The following ANO6 variants were observed in gnomAD, a reference collection of about 807,000 sequenced individuals.
ANO6 encodes the protein anoctamin 6.
In ANO6, 106 loss-of-function variants were observed where a neutral mutation model predicts 117.5. The ratio of observed to expected loss-of-function variants is 0.90; its 90% CI spans 0.77 to 1.06. The LOEUF (loss-of-function observed/expected upper bound fraction) is 1.06, where lower values mean the gene tolerates loss of function less well. ANO6 is among the 50% of genes least tolerant of loss of function. The pLI is 0.00. For synonymous variants in ANO6, 367 were observed against 385.1 expected (o/e 0.95, Z 0.55); for missense variants, 955 against 1,121.1 (o/e 0.85, Z 2.12).
intron 15 of ANO6, among the ~76,000 whole-genome samples, chr12:45,405,534 C>G (rs1452703974): frequency 6.6e-6 from 1 of 152,136 alleles, no homozygotes; most frequent in African/African-American, 2.4e-5. Context: ...TGAGTGTTAG[C>G]CAAATTAGAG....
chr12:45,278,473 T>C (rs1010188904), intron 1 of ANO6, among the ~76,000 whole-genome samples: 3 of 152,230 alleles, frequency 2.0e-5, no homozygotes, highest in Non-Finnish European at 2.9e-5. Context: ...TTTTCACCTC[T>C]TTTTGCTTAA....
rs559334290 is a variant in ANO6, at chr12:45,234,531, A to C, written c.70+18140A>C. ...TGAAGGAGCAGTTCAGTGTTGGTGC[A>C]GGATATTAGATTCCAAAATATTTGT... On this transcript the variant is annotated intron_variant, in intron 1 of 19. Transcript: ENST00000320560. Among the ~76,000 whole-genome samples the C allele has an allele frequency of 2.0e-5, 3 of 152,352 alleles. No homozygotes were observed. In the South Asian group the frequency reaches 6.2e-4, roughly 32 times the overall value.
At chr12:45,222,823 T>C (rs1324201273) in intron 1 of ANO6, among the ~76,000 whole-genome samples, 2 of 152,258 alleles carry the variant, frequency 1.3e-5, no homozygotes, top group East Asian at 1.9e-4. Context: ...GAAGGAATGC[T>C]GCACAGAGAT....
At chr12:45,328,922 C>T (rs1047448542) in intron 2 of ANO6, among the ~76,000 whole-genome samples, 4 of 152,114 alleles carry the variant, frequency 2.6e-5, no homozygotes, top group Non-Finnish European at 5.9e-5. Context: ...TATTGTTAGA[C>T]AGTAAACCTT....
chr12:45,229,923 G>A (rs1483312287), intron 1 of ANO6, among the ~76,000 whole-genome samples: 3 of 138,444 alleles, frequency 2.2e-5, no homozygotes, highest in Non-Finnish European at 4.5e-5. Context: ...CATACGAAAC[G>A]GTTGTATCAA....
intron 1 of ANO6, among the ~76,000 whole-genome samples, chr12:45,260,318 G>A (rs1937982732): frequency 6.6e-6 from 1 of 152,216 alleles, no homozygotes; most frequent in Non-Finnish European, 1.5e-5. Context: ...TCAAGTAAGA[G>A]CTAATCAAGG....
intron 1 of ANO6, among the ~76,000 whole-genome samples, chr12:45,284,903 T>G (rs1368992376): frequency 1.3e-5 from 2 of 152,224 alleles, no homozygotes; most frequent in Non-Finnish European, 2.9e-5. Flanking sequence ...AGCCTCAGGA[T>G]TATTACTCCC....
intron 2 of ANO6, among the ~76,000 whole-genome samples, chr12:45,330,684 T>A (rs1940632609): frequency 6.6e-6 from 1 of 152,142 alleles, no homozygotes; most frequent in Non-Finnish European, 1.5e-5. Flanking sequence ...TTTGGTTTTT[T>A]AAAATTTGTT....
At chr12:45,221,477 G>A (rs1288477153) in intron 1 of ANO6, among the ~76,000 whole-genome samples, 2 of 152,188 alleles carry the variant, frequency 1.3e-5, no homozygotes, top group African/African-American at 2.4e-5. Flanking sequence ...AGGCTATGCC[G>A]TGAAGGATCC....
At chr12:45,396,874 T>TA (rs1199005556) in intron 12 of ANO6, among the ~76,000 whole-genome samples, 1 of 152,118 alleles carries the variant, frequency 6.6e-6, no homozygotes, top group Admixed American at 6.5e-5. Flanking sequence ...CCTAAAGCCA[T>TA]AAAAACCCTA....
At chr12:45,388,511 A>G (rs1332231059) in intron 11 of ANO6, among the ~76,000 whole-genome samples, 6 of 152,166 alleles carry the variant, frequency 3.9e-5, no homozygotes, top group Non-Finnish European at 8.8e-5. Flanking sequence ...GTGCAGCCAA[A>G]GTGAAGAAGC....
In ANO6 at chr12:45,421,213, A is replaced by T; in HGVS notation, c.2360A>T (p.Asp787Val). Residue 787 changes from aspartate (D) to valine (V), a missense_variant, in exon 18 of 20, where the codon GAC becomes GTC. Coordinates refer to ENST00000320560, the MANE Select transcript of ANO6 (RefSeq NM_001025356.3). ...NNTLSIFKVA[D>V]FKNKSKGNPY... is the part of the protein sequence containing the mutation. ...ACTCTCTCCATCTTCAAAGTCGCAG[A>T]CTTCAAAAACAAAAGCAAGGGAAAC... 1 of 1,614,180 alleles carries T rather than the reference A, an allele frequency of 6.2e-7. No homozygotes were observed. The highest frequency in any genetic ancestry group is 8.5e-7 in the Non-Finnish European group (1 of 1,180,008).
intron 3 of ANO6, among the ~76,000 whole-genome samples, chr12:45,331,776 A>G (rs1306004234): frequency 6.6e-6 from 1 of 152,134 alleles, no homozygotes; most frequent in Non-Finnish European, 1.5e-5. Context: ...AATAACAACT[A>G]GCTTTCAATG....
intron 1 of ANO6, among the ~76,000 whole-genome samples, chr12:45,252,527 G>T (rs1286233612): frequency 6.6e-6 from 1 of 152,096 alleles, no homozygotes; most frequent in East Asian, 1.9e-4. Flanking sequence ...TGAGCTGTTT[G>T]TAAGAAATGG....
intron 1 of ANO6, among the ~76,000 whole-genome samples, chr12:45,282,310 AC>A (rs1938766358): frequency 6.6e-6 from 1 of 152,176 alleles, no homozygotes; most frequent in African/African-American, 2.4e-5. Flanking sequence ...TGCATTTGGA[AC>A]CTTTAGTCTA....
intron 1 of ANO6, among the ~76,000 whole-genome samples, chr12:45,259,668 C>G (rs1182704137): frequency 6.6e-6 from 1 of 152,164 alleles, no homozygotes; most frequent in Non-Finnish European, 1.5e-5. Context: ...TTTATTTGCT[C>G]CAACTAAGCC....
At chr12:45,239,900 A>T (rs1947711120) in intron 1 of ANO6, among the ~76,000 whole-genome samples, 1 of 152,040 alleles carries the variant, frequency 6.6e-6, no homozygotes. Context: ...GTTTGTTGTG[A>T]TTTCTGTTCT....
chr12:45,377,741 A>T (rs1302490892), intron 9 of ANO6, among the ~76,000 whole-genome samples: 1 of 152,258 alleles, frequency 6.6e-6, no homozygotes, highest in African/African-American at 2.4e-5. Flanking sequence ...AGAGGCTGTT[A>T]TTCAAGCCCA....
chr12:45,370,475 A>G (rs773665400), intron 9 of ANO6, among the ~76,000 whole-genome samples: 1 of 152,226 alleles, frequency 6.6e-6, no homozygotes, highest in African/African-American at 2.4e-5. Context: ...GAGTAGAGCT[A>G]AGAATTCACA....
Sources: allele counts gnomAD v4.1 joint callset (sites outside exome capture counted in the v4.1 genomes callset), GRCh38; gene constraint gnomAD v4.1.1; transcripts MANE v1.5; gene names NCBI Gene and HGNC (gene_info 2026-07-23, HGNC 2026-07-21).